Variants in SLC71A2 observed in about 807,000 individuals in gnomAD.
The protein encoded by SLC71A2 is hippocampus abundant transcript-like 1.
At chr9:94,438,374 T>C in the SLC71A2 span, 1 of 1,614,134 alleles carries the variant, frequency 6.2e-7, no homozygotes, top group Non-Finnish European at 8.5e-7. Flanking sequence ...ATTATAAAAC[T>C]AACCTTTGCT....
At chr9:94,425,228 C>G in the SLC71A2 span, among the ~76,000 whole-genome samples, 33 of 151,986 alleles carry the variant, frequency 2.2e-4, no homozygotes, top group South Asian at 6.2e-4. Context: ...CGCTTGAACC[C>G]GGGAGGTGGA....
At chr9:94,421,273 C>G in the SLC71A2 span, among the ~76,000 whole-genome samples, 1 of 152,158 alleles carries the variant, frequency 6.6e-6, no homozygotes, top group Middle Eastern at 3.4e-3. Flanking sequence ...GAAAGATGTA[C>G]AAATTATAAA....
the SLC71A2 span, among the ~76,000 whole-genome samples, chr9:94,445,938 G>A: frequency 6.6e-6 from 1 of 152,186 alleles, no homozygotes; most frequent in Non-Finnish European, 1.5e-5. Context: ...TTGTCACAAT[G>A]TCAGACACCA....
chr9:94,391,912 C>G, the SLC71A2 span, among the ~76,000 whole-genome samples: 1 of 151,980 alleles, frequency 6.6e-6, no homozygotes, highest in South Asian at 2.1e-4. Context: ...GAGACAAGGT[C>G]TCACTAAATT....
At chr9:94,453,946 TTTAC>T in the SLC71A2 span, 1 of 1,572,078 alleles carries the variant, frequency 6.4e-7, no homozygotes, top group Admixed American at 1.7e-5. Flanking sequence ...AGTTGTCTCC[TTTAC>T]TTTGCAGACG....
chr9:94,445,548 T>C, the SLC71A2 span, among the ~76,000 whole-genome samples: 1 of 152,178 alleles, frequency 6.6e-6, no homozygotes, highest in Non-Finnish European at 1.5e-5. Flanking sequence ...TGCCTTTGGT[T>C]TGAATGAGTT....
chr9:94,401,138 A>C, the SLC71A2 span, among the ~76,000 whole-genome samples: 2 of 151,424 alleles, frequency 1.3e-5, no homozygotes, highest in African/African-American at 4.9e-5. Flanking sequence ...GGTCAACTGC[A>C]ATAGAAAAGA....
the SLC71A2 span, among the ~76,000 whole-genome samples, chr9:94,416,086 C>A: frequency 1.3e-5 from 2 of 152,040 alleles, no homozygotes; most frequent in African/African-American, 4.8e-5. Context: ...ATCTATGATG[C>A]GGTTAGAAGG....
the SLC71A2 span, among the ~76,000 whole-genome samples, chr9:94,390,834 A>G: frequency 2.0e-5 from 3 of 152,348 alleles, no homozygotes; most frequent in South Asian, 2.1e-4. Context: ...TGAAGAGCAC[A>G]GTCTCTAGGA....
At chr9:94,455,156 C>CTTTTTTTTTGT in the SLC71A2 span, among the ~76,000 whole-genome samples, 1 of 27,686 alleles carries the variant, frequency 3.6e-5, no homozygotes, top group African/African-American at 2.6e-4. Flanking sequence ...TTGCTCTTTC[C>CTTTTTTTTTGT]TTTTTTTTTT....
the SLC71A2 span, among the ~76,000 whole-genome samples, chr9:94,423,733 AT>A: frequency 6.6e-6 from 1 of 152,280 alleles, no homozygotes; most frequent in South Asian, 2.1e-4. Context: ...AGAAGCTTGA[AT>A]TTTAAGACTG....
the SLC71A2 span, among the ~76,000 whole-genome samples, chr9:94,457,643 A>G: frequency 1.3e-5 from 2 of 152,240 alleles, no homozygotes; most frequent in Admixed American, 1.3e-4. Flanking sequence ...CTGCCTTGGC[A>G]TCTGACAGAC....
the SLC71A2 span, among the ~76,000 whole-genome samples, chr9:94,428,599 CCTT>C: frequency 6.3e-5 from 9 of 141,828 alleles, no homozygotes; most frequent in Non-Finnish European, 1.1e-4. Flanking sequence ...TACCCCCCCC[CCTT>C]TTTTTTTTTT....
At chr9:94,383,394 C>G in the SLC71A2 span, among the ~76,000 whole-genome samples, 1 of 152,132 alleles carries the variant, frequency 6.6e-6, no homozygotes, top group African/African-American at 2.4e-5. Context: ...AACTCCTGAC[C>G]TCGTTATCCA....
At chr9:94,379,712 G>T in the SLC71A2 span, among the ~76,000 whole-genome samples, 4 of 152,080 alleles carry the variant, frequency 2.6e-5, no homozygotes, top group Non-Finnish European at 4.4e-5. Context: ...TTGATAACTT[G>T]TGCTTTGTCT....
chr9:94,419,840 C>T, the SLC71A2 span, among the ~76,000 whole-genome samples: 1 of 152,196 alleles, frequency 6.6e-6, no homozygotes, highest in Admixed American at 6.5e-5. Flanking sequence ...TATGCAGCTG[C>T]TGATGTCTCT....
At chr9:94,446,422 C>T in the SLC71A2 span, among the ~76,000 whole-genome samples, 4 of 152,286 alleles carry the variant, frequency 2.6e-5, no homozygotes, top group East Asian at 1.9e-4. Context: ...TTTACCTATA[C>T]GGAAACGCTC....
the SLC71A2 span, among the ~76,000 whole-genome samples, chr9:94,445,809 G>A: frequency 2.0e-5 from 3 of 152,222 alleles, no homozygotes; most frequent in East Asian, 5.8e-4. Context: ...CCAGCAGTTT[G>A]GTTTCTGCTT....
At chr9:94,444,602 C>T in the SLC71A2 span, among the ~76,000 whole-genome samples, 1 of 152,120 alleles carries the variant, frequency 6.6e-6, no homozygotes, top group African/African-American at 2.4e-5. Context: ...ATCCCCGGTC[C>T]CCAGTTAAAG....
Sources: gnomAD v4.1 joint callset for allele counts (sites outside exome capture counted in the v4.1 genomes callset) on GRCh38, gnomAD v4.1.1 for gene constraint, MANE v1.5 for transcripts, NCBI Gene and HGNC (gene_info 2026-07-23, HGNC 2026-07-21) for gene names.